The following PMFBP1 variants were observed in gnomAD, a reference collection of about 807,000 sequenced individuals.
PMFBP1 encodes the protein polyamine modulated factor 1 binding protein 1.
In PMFBP1, 131 loss-of-function variants were observed where a neutral mutation model predicts 137.8. The observed-to-expected ratio is 0.95, with a 90% CI of 0.82 to 1.10. The LOEUF (loss-of-function observed/expected upper bound fraction) is 1.10. Among genes scored for constraint, PMFBP1 ranks in the 50% least tolerant of loss-of-function variants. The pLI, the probability that PMFBP1 is intolerant of heterozygous loss-of-function variation, is 0.00. For synonymous variants in PMFBP1, 490 were observed against 450.4 expected (o/e 1.09, Z -1.11); for missense variants, 1,199 against 1,175.4 (o/e 1.02, Z -0.29).
At chr16:72,245,450 C>T in the PMFBP1 span, among the ~76,000 whole-genome samples, 1 of 152,162 alleles carries the variant, frequency 6.6e-6, no homozygotes, top group Non-Finnish European at 1.5e-5. Context: ...AGAGCCCATG[C>T]TCTTAAACGC....
chr16:72,126,658 T>C (rs1266537926), intron 14 of PMFBP1, among the ~76,000 whole-genome samples: 2 of 152,226 alleles, frequency 1.3e-5, no homozygotes, highest in East Asian at 3.8e-4. Flanking sequence ...TGGTCTTTGT[T>C]CTGTCACGTG....
intron 18 of PMFBP1, among the ~76,000 whole-genome samples, chr16:72,123,312 A>G (rs1184912883): frequency 6.6e-6 from 1 of 152,220 alleles, no homozygotes; most frequent in African/African-American, 2.4e-5. Context: ...GCTGCCGAGC[A>G]AAGCACCCCT....
At chr16:72,159,495 T>G (rs557209162) in intron 3 of PMFBP1, among the ~76,000 whole-genome samples, 16 of 152,322 alleles carry the variant, frequency 1.1e-4, no homozygotes, top group African/African-American at 3.8e-4. Flanking sequence ...GCACCCAACC[T>G]AATTTGCCTG....
intron 3 of PMFBP1, among the ~76,000 whole-genome samples, chr16:72,163,631 G>A (rs942468010): frequency 2.0e-5 from 3 of 152,158 alleles, no homozygotes; most frequent in Non-Finnish European, 4.4e-5. Flanking sequence ...ACTGAAACAA[G>A]GAAGGGAAGG....
the PMFBP1 span, among the ~76,000 whole-genome samples, chr16:72,207,171 G>C: frequency 6.6e-6 from 1 of 152,140 alleles, no homozygotes; most frequent in East Asian, 1.9e-4. Flanking sequence ...TGACAGTGCA[G>C]AGTGCAGGGT....
chr16:72,140,846 T>C (rs575829479), intron 5 of PMFBP1, among the ~76,000 whole-genome samples: 8 of 151,884 alleles, frequency 5.3e-5, no homozygotes, highest in African/African-American at 1.9e-4. Context: ...TGACAATCCA[T>C]GTTACCAGCT....
the PMFBP1 span, among the ~76,000 whole-genome samples, chr16:72,236,911 T>C: frequency 3.4e-4 from 52 of 152,294 alleles, no homozygotes; most frequent in Middle Eastern, 3.4e-3. Flanking sequence ...CTTGGCTCTT[T>C]TAGTAATAAA....
chr16:72,116,686 A>T (rs1161551129), downstream of PMFBP1, among the ~76,000 whole-genome samples: 1 of 124,976 alleles, frequency 8.0e-6, no homozygotes, highest in Non-Finnish European at 1.7e-5. Flanking sequence ...GTAAGGGCAC[A>T]GCTTTATTCT....
intron 7 of PMFBP1, 61 bp downstream of exon 7, chr16:72,139,228 C>G (rs984986623): frequency 2.7e-5 from 32 of 1,177,792 alleles, no homozygotes; most frequent in Non-Finnish European, 3.7e-5. Flanking sequence ...AGTAGGAAAG[C>G]CCAGAATCAA....
chr16:72,136,818 A>G lies in PMFBP1; in HGVS notation c.920T>C (p.Ile307Thr). The change falls in exon 8 of 21, where the codon ATA becomes ACA. Residue 307 changes from isoleucine (I) to threonine (T), a missense_variant and splice_region_variant. Ile to Thr is a moderately conservative substitution (Grantham distance 89, BLOSUM62 -1). Transcript: ENST00000237353. Reference sequence around the variant, plus strand: ...TTTCTGCTCCTGCAAGTGCTTCAGTATCTGGCAGATGGAAGAACAGGGCAG... The same window carrying G: ...TTTCTGCTCCTGCAAGTGCTTCAGTGTCTGGCAGATGGAAGAACAGGGCAG... Reference protein sequence around the residue: ...SSEECEDIKKILKHLQEQKDS... With the variant: ...SSEECEDIKKTLKHLQEQKDS... The G allele has an allele frequency of 6.2e-7, 1 of 1,614,136 alleles. No individual in the cohort carries two copies. Among genetic ancestry groups the G allele is most frequent in the Non-Finnish European group, 8.5e-7 (1 of 1,180,030 alleles).
At chr16:72,159,610 T>C (rs1364999360) in intron 3 of PMFBP1, among the ~76,000 whole-genome samples, 2 of 152,216 alleles carry the variant, frequency 1.3e-5, no homozygotes, top group African/African-American at 2.4e-5. Flanking sequence ...TTTAGAGGAA[T>C]CAAATTTCAA....
the PMFBP1 span, among the ~76,000 whole-genome samples, chr16:72,185,343 C>T: frequency 1.3e-5 from 2 of 151,736 alleles, no homozygotes; most frequent in East Asian, 3.9e-4. Flanking sequence ...GTTTTCTGAC[C>T]CTCCTCCCTG....
At chr16:72,195,378 G>A in the PMFBP1 span, among the ~76,000 whole-genome samples, 4 of 151,886 alleles carry the variant, frequency 2.6e-5, no homozygotes, top group Admixed American at 6.6e-5. Flanking sequence ...CTCCCTGCCC[G>A]CTTCTGCTCC....
At chr16:72,130,387 A>G in intron 11 of PMFBP1, 30 bp from the exon 12 acceptor site, 12 of 1,613,984 alleles carry the variant, frequency 7.4e-6, no homozygotes, top group Non-Finnish European at 1.0e-5. Flanking sequence ...ACAGGAGGAC[A>G]GACTTCAGTG....
At chr16:72,141,812 C>A (rs1473965363) in intron 5 of PMFBP1, among the ~76,000 whole-genome samples, 1 of 151,950 alleles carries the variant, frequency 6.6e-6, no homozygotes, top group Non-Finnish European at 1.5e-5. Flanking sequence ...ACTCCCAGAT[C>A]ATATTTAAAA....
the PMFBP1 span, among the ~76,000 whole-genome samples, chr16:72,205,015 G>A: frequency 5.9e-5 from 9 of 152,202 alleles, no homozygotes; most frequent in East Asian, 1.7e-3. Flanking sequence ...TGGGCACACA[G>A]GCCCTATGTA....
intron 3 of PMFBP1, 30 bp from the exon 4 acceptor site, chr16:72,154,489 G>T (rs375028939): frequency 9.5e-5 from 152 of 1,605,068 alleles, no homozygotes; most frequent in Middle Eastern, 5.0e-4. Flanking sequence ...TACAAAAAAG[G>T]CTTTAGATCA....
At chr16:72,216,286 G>A in the PMFBP1 span, among the ~76,000 whole-genome samples, 3 of 152,178 alleles carry the variant, frequency 2.0e-5, no homozygotes. Flanking sequence ...AGGCAGAAAT[G>A]ATTTTATTGT....
the PMFBP1 span, among the ~76,000 whole-genome samples, chr16:72,207,129 T>C: frequency 1.3e-5 from 2 of 151,966 alleles, no homozygotes; most frequent in Non-Finnish European, 2.9e-5. Flanking sequence ...TGGAGACAGA[T>C]GGGATGAACT....
Sources: gnomAD v4.1 joint callset for allele counts (sites outside exome capture counted in the v4.1 genomes callset) on GRCh38, gnomAD v4.1.1 for gene constraint, MANE v1.5 for transcripts, NCBI Gene and HGNC (gene_info 2026-07-23, HGNC 2026-07-21) for gene names.